The following GRXCR1 variants were observed in gnomAD, a reference collection of about 807,000 sequenced individuals.
GRXCR1 encodes the protein glutaredoxin domain-containing cysteine-rich protein 1.
In GRXCR1, 27 loss-of-function variants were observed where a neutral mutation model predicts 27.3. The observed-to-expected ratio is 0.99, with a 90% CI of 0.73 to 1.37. GRXCR1 has a LOEUF of 1.37. Among genes scored for constraint, GRXCR1 ranks in the 40% most tolerant of loss-of-function variants. The probability of loss-of-function intolerance (pLI) is 0.00; values close to 1 mark genes in which losing one functional copy is unlikely to be tolerated. For synonymous variants in GRXCR1, 122 were observed against 131.1 expected (o/e 0.93, Z 0.47); for missense variants, 379 against 354.4 (o/e 1.07, Z -0.56).
At chr4:43,018,715 T>C (rs1282303311) in intron 2 of GRXCR1, among the ~76,000 whole-genome samples, 3 of 152,206 alleles carry the variant, frequency 2.0e-5, no homozygotes, top group Admixed American at 2.0e-4. Context: ...CTGCTTTAGT[T>C]CATGTATCAA....
chr4:42,924,239 T>C (rs1227945059), intron 1 of GRXCR1, among the ~76,000 whole-genome samples: 1 of 152,112 alleles, frequency 6.6e-6, no homozygotes, highest in African/African-American at 2.4e-5. Context: ...TACTTTTACA[T>C]AGTTTTGATA....
At chr4:42,966,172 T>G (rs1363177007) in intron 2 of GRXCR1, among the ~76,000 whole-genome samples, 2 of 152,084 alleles carry the variant, frequency 1.3e-5, no homozygotes, top group Non-Finnish European at 2.9e-5. Flanking sequence ...TCAGAAATTT[T>G]TTTTTACACA....
chr4:42,936,100 T>C lies in GRXCR1; in HGVS notation c.385-26792T>C, dbSNP rs188048582. 2.6e-3 allele frequency among the ~76,000 whole-genome samples: 399 copies of C among 152,038 alleles called. 4 individuals are homozygous for C. The highest frequency in any genetic ancestry group is 9.0e-3 in the African/African-American group (372 of 41,546). On this transcript the variant is annotated intron_variant, in intron 1 of 3. Coordinates refer to ENST00000399770, the MANE Select transcript of GRXCR1 (RefSeq NM_001080476.3). ...ACTTGTAGTCCTGGCTTATGTTAATTTGGGCAACAAGGAGGAACAGGTGAG... is the reference window on the plus strand; with the variant it reads ...ACTTGTAGTCCTGGCTTATGTTAATCTGGGCAACAAGGAGGAACAGGTGAG...
chr4:42,910,037 G>A (rs796156039), intron 1 of GRXCR1, among the ~76,000 whole-genome samples: 52 of 152,264 alleles, frequency 3.4e-4, no homozygotes, highest in African/African-American at 1.1e-3. Flanking sequence ...CATGGCTGGG[G>A]AGGCCTCAGG....
At chr4:42,990,002 T>C (rs1711910366) in intron 2 of GRXCR1, among the ~76,000 whole-genome samples, 2 of 151,860 alleles carry the variant, frequency 1.3e-5, no homozygotes, top group Admixed American at 1.3e-4. Context: ...GAAAGTTGCT[T>C]GAAAAACTTT....
intron 2 of GRXCR1, among the ~76,000 whole-genome samples, chr4:43,007,596 GT>G (rs1176296698): frequency 1.3e-5 from 2 of 152,156 alleles, no homozygotes; most frequent in African/African-American, 4.8e-5. Flanking sequence ...GAAATAGTGT[GT>G]TAGCAGTAAA....
Position 42,932,664 on chromosome 4 carries a change from A to G in GRXCR1, c.385-30228A>G, listed in dbSNP as rs185598247. Among the ~76,000 whole-genome samples, 729 of 107,350 alleles carry G rather than the reference A, an allele frequency of 6.8e-3. 1 individual carries two copies. The highest frequency in any genetic ancestry group is 0.011 in the East Asian group (36 of 3,154). 70.4% of individuals were successfully genotyped at this position (107,350 alleles called of 152,430 possible). On this transcript the variant is annotated intron_variant, in intron 1 of 3. Coordinates refer to ENST00000399770, the MANE Select transcript of GRXCR1 (RefSeq NM_001080476.3). Reference sequence around the variant, plus strand: ...GAGAGAGAGAGAGAGAGAGAGAGAGAGGCAATCTGTACAGGGCCCTGTGCT... The same window carrying G: ...GAGAGAGAGAGAGAGAGAGAGAGAGGGGCAATCTGTACAGGGCCCTGTGCT...
At chr4:42,904,326 C>G (rs1043121908) in intron 1 of GRXCR1, among the ~76,000 whole-genome samples, 3 of 152,304 alleles carry the variant, frequency 2.0e-5, no homozygotes, top group African/African-American at 7.2e-5. Context: ...CTCTTGAAAA[C>G]ATTCTTCTAT....
At chr4:42,974,031 T>A (rs1391785040) in intron 2 of GRXCR1, among the ~76,000 whole-genome samples, 2 of 152,110 alleles carry the variant, frequency 1.3e-5, no homozygotes, top group African/African-American at 4.8e-5. Flanking sequence ...AGAACCAACG[T>A]TTCATATGGC....
chr4:43,006,088 A>G (rs1360764908), intron 2 of GRXCR1, among the ~76,000 whole-genome samples: 1 of 152,214 alleles, frequency 6.6e-6, no homozygotes, highest in Admixed American at 6.5e-5. Flanking sequence ...TAAAGATTTC[A>G]TGGGCACTTA....
chr4:43,013,612 G>A (rs978914628), intron 2 of GRXCR1, among the ~76,000 whole-genome samples: 3 of 152,064 alleles, frequency 2.0e-5, no homozygotes, highest in Admixed American at 6.6e-5. Flanking sequence ...ACCTGCACAT[G>A]TACCCCTGAA....
chr4:42,992,921 TTTACA>T (rs1712020981), intron 2 of GRXCR1, among the ~76,000 whole-genome samples: 1 of 152,130 alleles, frequency 6.6e-6, no homozygotes, highest in African/African-American at 2.4e-5. Flanking sequence ...CATTTCATTG[TTTACA>T]TTAACCAATT....
intron 2 of GRXCR1, among the ~76,000 whole-genome samples, chr4:42,999,133 GA>G (rs1316379929): frequency 3.3e-5 from 5 of 152,240 alleles, no homozygotes; most frequent in African/African-American, 1.2e-4. Context: ...AAGGAGTGAT[GA>G]GGGCAGGCAG....
At chr4:43,000,436 A>G (rs2109796056) in intron 2 of GRXCR1, among the ~76,000 whole-genome samples, 1 of 144,250 alleles carries the variant, frequency 6.9e-6, no homozygotes, top group African/African-American at 2.6e-5. Flanking sequence ...AGAATGCGCC[A>G]CTGCACTCCA....
At chr4:42,953,316 C>A (rs980541832) in intron 1 of GRXCR1, among the ~76,000 whole-genome samples, 2 of 152,082 alleles carry the variant, frequency 1.3e-5, no homozygotes, top group African/African-American at 2.4e-5. Context: ...AAAGTGATTC[C>A]AAGTGAAGGC....
intron 3 of GRXCR1, among the ~76,000 whole-genome samples, chr4:43,024,066 C>T (rs1280706625): frequency 6.6e-6 from 1 of 152,076 alleles, no homozygotes; most frequent in East Asian, 1.9e-4. Flanking sequence ...TTCTGGCAGA[C>T]ACTGAATTAA....
intron 2 of GRXCR1, among the ~76,000 whole-genome samples, chr4:42,989,815 G>A (rs1711904146): frequency 6.6e-6 from 1 of 151,950 alleles, no homozygotes; most frequent in Non-Finnish European, 1.5e-5. Context: ...CAATACCTAA[G>A]TCTCTTATGG....
At chr4:42,909,366 G>A (rs922915264) in intron 1 of GRXCR1, among the ~76,000 whole-genome samples, 5 of 152,068 alleles carry the variant, frequency 3.3e-5, no homozygotes, top group African/African-American at 1.2e-4. Flanking sequence ...CCCATACCCC[G>A]AAGTTAGTTT....
intron 3 of GRXCR1, among the ~76,000 whole-genome samples, chr4:43,022,351 T>C (rs115161112): frequency 0.023 from 3,488 of 152,290 alleles, 135 homozygotes; most frequent in African/African-American, 0.08. Context: ...TTTATTCCAT[T>C]GAGTCTGTAA....
Sources: allele counts gnomAD v4.1 joint callset (sites outside exome capture counted in the v4.1 genomes callset), GRCh38; gene constraint gnomAD v4.1.1; transcripts MANE v1.5; gene names NCBI Gene and HGNC (gene_info 2026-07-23, HGNC 2026-07-21).